The following PCGF3 variants were observed in gnomAD, a reference collection of about 807,000 sequenced individuals.
The protein encoded by PCGF3 is polycomb group RING finger protein 3.
In PCGF3, 7 loss-of-function variants were observed where a neutral mutation model predicts 33.1. The observed-to-expected ratio is 0.21, with a 90% CI of 0.12 to 0.40. The LOEUF (loss-of-function observed/expected upper bound fraction) is 0.40, where lower values mean the gene tolerates loss of function less well. Among genes scored for constraint, PCGF3 ranks in the 10% least tolerant of loss-of-function variants. PCGF3 has a pLI of 1.00. For missense variants in PCGF3, 211 were observed against 313.3 expected (o/e 0.67, Z 2.46); for synonymous variants, 153 against 121.3 (o/e 1.26, Z -1.72).
chr4:715,210 G>GCA (rs1466738412), intron 1 of PCGF3, among the ~76,000 whole-genome samples: 16,021 of 140,248 alleles, frequency 0.11, 2,771 homozygotes, highest in Non-Finnish European at 0.15. Context: ...TGAGAACTGG[G>GCA]TGTTGGTGCT....
chr4:763,926 T>C (rs886772924), intron 9 of PCGF3, among the ~76,000 whole-genome samples: 4 of 152,144 alleles, frequency 2.6e-5, no homozygotes, highest in Non-Finnish European at 4.4e-5. Context: ...AAACATCAAG[T>C]CCCTGTTACT....
intron 1 of PCGF3, among the ~76,000 whole-genome samples, chr4:726,870 G>A (rs1743352805): frequency 6.6e-6 from 1 of 152,196 alleles, no homozygotes; most frequent in African/African-American, 2.4e-5. Flanking sequence ...TGCCGGCAGT[G>A]CTGGCCCAGA....
At chr4:768,592 T>C (rs1687781216) in exon 11 of PCGF3, 2 of 152,200 alleles carry the variant, frequency 1.3e-5, no homozygotes, top group African/African-American at 4.8e-5. Context: ...TGGGGCTAAT[T>C]ACCCGGAATA....
At chr4:737,574 G>T (rs556537264) in intron 6 of PCGF3, 53 bp downstream of exon 6, 14 of 1,131,856 alleles carry the variant, frequency 1.2e-5, no homozygotes, top group Non-Finnish European at 1.9e-5. Flanking sequence ...GGCCTCTGCA[G>T]CCCCTGCTCT....
chr4:733,542 C>A, intron 3 of PCGF3, 130 bp from the exon 4 acceptor site: 1 of 872,868 alleles, frequency 1.1e-6, no homozygotes, highest in Non-Finnish European at 1.7e-6. Context: ...ACCCCGTGAG[C>A]CCAAGAGGCT....
intron 8 of PCGF3, among the ~76,000 whole-genome samples, chr4:759,989 ATCT>A (rs1744956567): frequency 6.6e-6 from 1 of 151,584 alleles, no homozygotes; most frequent in Non-Finnish European, 1.5e-5. Context: ...AGACTCCCGG[ATCT>A]TCTTCCCGCT....
intron 3 of PCGF3, among the ~76,000 whole-genome samples, chr4:733,279 A>T: frequency 6.6e-6 from 1 of 152,268 alleles, no homozygotes. Flanking sequence ...GCCCATCCTC[A>T]TCCCACCCGG....
intron 9 of PCGF3, chr4:762,011 G>C: frequency 1.0e-6 from 1 of 985,346 alleles, no homozygotes; most frequent in Non-Finnish European, 1.2e-6. Context: ...CGCAGGAGAG[G>C]CCAGCGCCAG....
At chr4:706,035 C>G (rs945180831) in intron 1 of PCGF3, 65 bp downstream of exon 1, 1 of 152,528 alleles carries the variant, frequency 6.6e-6, no homozygotes, top group Non-Finnish European at 1.5e-5. Flanking sequence ...CGGCCTCGGC[C>G]CGTGTCCGGC....
intron 6 of PCGF3, among the ~76,000 whole-genome samples, chr4:742,132 C>G (rs550350525): frequency 5.9e-5 from 9 of 151,878 alleles, no homozygotes; most frequent in Non-Finnish European, 1.0e-4. Flanking sequence ...CTCTCTCTGC[C>G]CAGGCTCTCG....
At chr4:767,560 A>G (rs927972878) in exon 11 of PCGF3, 1 of 152,138 alleles carries the variant, frequency 6.6e-6, no homozygotes, top group African/African-American at 2.4e-5. Context: ...TTTTTTCTTG[A>G]ATTTCGCTGT....
At chr4:716,302 C>A (rs1277174476) in intron 1 of PCGF3, among the ~76,000 whole-genome samples, 1 of 104,840 alleles carries the variant, frequency 9.5e-6, no homozygotes. Context: ...GAGAACTGGG[C>A]GTCGGTGCTG....
chr4:748,989 G>A (rs976639759), intron 8 of PCGF3, among the ~76,000 whole-genome samples: 7 of 152,124 alleles, frequency 4.6e-5, no homozygotes, highest in Admixed American at 1.3e-4. Flanking sequence ...TCCATGGATC[G>A]ATGTAAAGCT....
chr4:717,426 C>G (rs1048951043), intron 1 of PCGF3, among the ~76,000 whole-genome samples: 1 of 152,126 alleles, frequency 6.6e-6, no homozygotes, highest in South Asian at 2.1e-4. Context: ...GTCACTCAGA[C>G]TGGAGTGCAG....
At chr4:752,868 G>C (rs183881397) in intron 8 of PCGF3, among the ~76,000 whole-genome samples, 2 of 152,248 alleles carry the variant, frequency 1.3e-5, no homozygotes, top group Admixed American at 1.3e-4. Context: ...GCCCATCTTC[G>C]TTTTCAGAGC....
chr4:727,203 C>G (rs947391028), intron 1 of PCGF3, among the ~76,000 whole-genome samples: 4 of 140,146 alleles, frequency 2.9e-5, no homozygotes, highest in Non-Finnish European at 6.1e-5. Context: ...TTGTATAAGA[C>G]TTTGAGAGGA....
At chr4:761,918 G>A (rs1745082433) in intron 9 of PCGF3, 1 of 985,326 alleles carries the variant, frequency 1.0e-6, no homozygotes. Flanking sequence ...GCTTTGCATG[G>A]AGACAGAAGG....
At chr4:755,006 G>A (rs1431451501) in intron 8 of PCGF3, among the ~76,000 whole-genome samples, 1 of 152,224 alleles carries the variant, frequency 6.6e-6, no homozygotes, top group Non-Finnish European at 1.5e-5. Flanking sequence ...TCCCAGGCAG[G>A]CCGATGTGTA....
At chr4:750,966 G>C (rs769427153) in intron 8 of PCGF3, among the ~76,000 whole-genome samples, 8 of 152,036 alleles carry the variant, frequency 5.3e-5, no homozygotes, top group Non-Finnish European at 1.0e-4. Context: ...GCTGTGTTAC[G>C]GAGGCCTTTG....
Sources: gnomAD v4.1 joint callset for allele counts (sites outside exome capture counted in the v4.1 genomes callset) on GRCh38, gnomAD v4.1.1 for gene constraint, MANE v1.5 for transcripts, NCBI Gene and HGNC (gene_info 2026-07-23, HGNC 2026-07-21) for gene names.